Variants in TRIM28 observed in about 807,000 individuals in gnomAD.
The protein encoded by TRIM28 is transcription intermediary factor 1-beta.
A neutral mutation model predicts 87.4 loss-of-function variants in TRIM28; 8 were observed. The observed-to-expected ratio is 0.09, with a 90% confidence interval of 0.05 to 0.17. TRIM28 has a LOEUF of 0.17. Among genes scored for constraint, TRIM28 ranks in the 10% least tolerant of loss-of-function variants. The probability of loss-of-function intolerance (pLI) is 1.00; values close to 1 mark genes in which losing one functional copy is unlikely to be tolerated. For missense variants in TRIM28, 968 were observed against 1,131.8 expected (o/e 0.86, Z 2.08); for synonymous variants, 601 against 454.3 (o/e 1.32, Z -4.11).
chr19:58,549,447 C>T lies in TRIM28; in HGVS notation c.1779C>T (p.Ala593=), dbSNP rs530667133. Residue 593 remains alanine (A), a synonymous_variant, in exon 13 of 17, where the codon GCC becomes GCT. Transcript: ENST00000253024. This position sits in a 1 kb window ranked among gnomAD's most constrained non-coding sequence, Gnocchi z 4.4. ...EGPGAEGPRL[A]SPSGSTSSGL... ...CTGGTGCTGAGGGTCCCCGCCTGGC[C>T]TCACCTAGTGGCAGCACCAGCTCAG... The T allele has an allele frequency of 1.2e-6, 2 of 1,610,418 alleles. No homozygotes were observed.
chr19:58,545,330 G>T lies in TRIM28; in HGVS notation c.341-95G>T. ...GGAGGGGAGGGGCTGGTTCGCTGCG[G>T]GATAATGGTCGGGGGCCCACCCAGC... On this transcript the variant is annotated intron_variant, in intron 1 of 16. Coordinates refer to ENST00000253024, the MANE Select transcript of TRIM28 (RefSeq NM_005762.3). The T allele has an allele frequency of 4.6e-6, 5 of 1,078,174 alleles. No individual in the cohort carries two copies. The South Asian group carries it at 7.3e-5, about 16-fold the overall frequency. The allele number at this position is 1,078,174 out of a possible 1,614,324, so 66.8% of individuals were successfully genotyped here.
In TRIM28 at chr19:58,549,969, G is replaced by A. The variant is rs750993592; in HGVS notation, c.2127G>A (p.Leu709=). The A allele has an allele frequency of 1.5e-5, 24 of 1,613,760 alleles. No individual in the cohort carries two copies. Among genetic ancestry groups the A allele is most frequent in the Non-Finnish European group, 1.9e-5 (22 of 1,179,928 alleles). The part of the protein sequence containing the change: ...ANQRKCERVL[L]ALFCHEPCRP... ...TGTAGAAATGTGAGCGTGTACTGCT[G>A]GCCCTATTCTGTCACGAACCCTGCC... Residue 709 remains leucine (L), a synonymous_variant, in exon 15 of 17, where the codon CTG becomes CTA. Transcript: ENST00000253024. This position sits in a 1 kb window ranked among gnomAD's most constrained non-coding sequence, Gnocchi z 4.4.
rs763644154 is a variant in TRIM28, at chr19:58,547,562, G to C, written c.723-35G>C. ...GTGGGTGGGTGCCACCCCTTCCGTA[G>C]CTTAGTGCTCAGGAACACATCTGTC... On this transcript the variant is annotated intron_variant, in intron 4 of 16. Transcript: ENST00000253024. 5.6e-6 allele frequency: 9 copies of C among 1,613,574 alleles called. No homozygotes were observed. In the African/African-American group the frequency reaches 1.2e-4, roughly 22 times the overall value.
rs1457434636 is a variant in TRIM28, at chr19:58,549,412, G to A, written c.1744G>A (p.Ala582Thr). The change falls in exon 13 of 17, where the codon GCG (alanine) becomes ACG (threonine). Residue 582 changes from alanine (A) to threonine (T), a missense_variant. By Grantham distance (58) the Ala-to-Thr change is moderately conservative (BLOSUM62 0). Around this residue, in one of 11 missense-constraint regions of TRIM28, gnomAD observed 164 missense variants for 146.2 expected, o/e 1.12. Transcript: ENST00000253024. This position sits in a 1 kb window ranked among gnomAD's most constrained non-coding sequence, Gnocchi z 4.4. ...GACCAAACCTGTGCTTATGGCTCTT[G>A]CGGAGGGTCCTGGTGCTGAGGGTCC... Reference protein sequence around the residue: ...PETKPVLMALAEGPGAEGPRL... With the variant: ...PETKPVLMALTEGPGAEGPRL... The A allele has an allele frequency of 6.3e-7, 1 of 1,598,704 alleles. No individual in the cohort carries two copies. The highest frequency in any genetic ancestry group is 1.3e-5 in the African/African-American group (1 of 74,578).
chr19:58,546,939 T>G (rs1195369408), intron 3 of TRIM28, among the ~76,000 whole-genome samples: 1 of 151,982 alleles, frequency 6.6e-6, no homozygotes, highest in African/African-American at 2.4e-5. Flanking sequence ...GGTGTTCTCT[T>G]GTCAGGGAAG....
chr19:58,550,269 C>T lies in TRIM28; in HGVS notation c.2316C>T (p.Phe772=), dbSNP rs753065148. The T allele has an allele frequency of 2.5e-6, 4 of 1,613,978 alleles. No individual in the cohort carries two copies. Among genetic ancestry groups the T allele is most frequent in the Admixed American group, 3.3e-5 (2 of 60,000 alleles). The part of the protein sequence containing the change: ...AQDVGRMFKQ[F]NKLTEDKADV... The stretch of plus-strand genomic sequence containing the variant: ...ATGTGGGCCGCATGTTCAAGCAATT[C>T]AACAAGTTAACTGAGGTGAGCCAGT... The change falls in exon 16 of 17, where the codon TTC becomes TTT. Residue 772 remains phenylalanine, a synonymous_variant. Coordinates refer to ENST00000253024, the MANE Select transcript of TRIM28 (RefSeq NM_005762.3).
In TRIM28 at chr19:58,549,721, AT is replaced by A. The variant is rs1278554997; in HGVS notation, c.1983-12del. 6.2e-6 allele frequency: 10 copies of A among 1,600,556 alleles called. No individual in the cohort carries two copies. In the South Asian group the frequency reaches 1.1e-4, roughly 18 times the overall value. ...TGGACAGGATCATGTGCAGACCCTT[AT>A]TTTCTTCACCCTAGGGAGGAGTGGA... On this transcript the variant is annotated splice_polypyrimidine_tract_variant and intron_variant, in intron 13 of 16. Coordinates refer to ENST00000253024, the MANE Select transcript of TRIM28 (RefSeq NM_005762.3). This position sits in a 1 kb window ranked among gnomAD's most constrained non-coding sequence, Gnocchi z 4.4.
Position 58,550,484 on chromosome 19 carries a change from G to A in TRIM28, c.2439G>A (p.Pro813=), listed in dbSNP as rs949785212. ...TCTCTGCTGTGCTGGTGGAGCCCCC[G>A]CCGATGAGCCTGCCTGGTGCTGGCC... ...TKFSAVLVEP[P]PMSLPGAGLS... is the part of the protein sequence containing the mutation. The change falls in exon 17 of 17, where the codon CCG becomes CCA. Residue 813 remains proline, a synonymous_variant. Transcript: ENST00000253024. 8 of 1,612,752 alleles carry A rather than the reference G, an allele frequency of 5.0e-6. No individual in the cohort carries two copies. The African/African-American group carries it at 5.3e-5, about 11-fold the overall frequency.
rs755656534 is a variant in TRIM28, at chr19:58,549,180, A to C, written c.1602A>C (p.Pro534=). Residue 534 remains proline, a synonymous_variant, in exon 12 of 17, where the codon CCA becomes CCC. Transcript: ENST00000253024. The surrounding 1 kb of genome is among the most constrained non-coding windows in gnomAD (Gnocchi z 4.4). ...RGAAAAATGQ[P]GTAPAGTPGA... is the part of the protein sequence containing the mutation. Reference sequence around the variant, plus strand: ...CTGCCGCTGCAGCTACCGGCCAGCCAGGGACTGCGCCTGCAGGAACCCCTG... The same window carrying C: ...CTGCCGCTGCAGCTACCGGCCAGCCCGGGACTGCGCCTGCAGGAACCCCTG... 6.1e-5 allele frequency: 99 copies of C among 1,613,796 alleles called. No homozygotes were observed. The highest frequency in any genetic ancestry group is 8.1e-5 in the Non-Finnish European group (96 of 1,179,928).
chr19:58,549,900 G>T lies in TRIM28; in HGVS notation c.2106+40G>T, dbSNP rs775674257. ...TACTTAGGTGGGGTTGCCCAGAGAGGCTTTATAGGTGCTGCCCAGAGCTGT... is the reference window on the plus strand; with the variant it reads ...TACTTAGGTGGGGTTGCCCAGAGAGTCTTTATAGGTGCTGCCCAGAGCTGT... On this transcript the variant is annotated intron_variant, in intron 14 of 16. Transcript: ENST00000253024. This position sits in a 1 kb window ranked among gnomAD's most constrained non-coding sequence, Gnocchi z 4.4. 6 of 1,614,002 alleles carry T rather than the reference G, an allele frequency of 3.7e-6. No individual in the cohort carries two copies. The South Asian group carries it at 6.6e-5, about 18-fold the overall frequency.
chr19:58,545,242 C>A, intron 1 of TRIM28, 145 bp downstream of exon 1: 1 of 935,612 alleles, frequency 1.1e-6, no homozygotes, highest in Non-Finnish European at 1.6e-6. Flanking sequence ...TGCATACGAA[C>A]GTGGGTTTGT....
intron 4 of TRIM28, 38 bp downstream of exon 4, chr19:58,547,549 C>T (rs1453705556): frequency 6.2e-7 from 1 of 1,613,556 alleles, no homozygotes; most frequent in Non-Finnish European, 8.5e-7. Context: ...GGGTGGGTGC[C>T]ACCCCTTCCG....
rs769939615 is a variant in TRIM28 at position 58,548,471 on chromosome 19, CTCT to C, written c.1217-10_1217-8del. The C allele has an allele frequency of 5.6e-6, 9 of 1,613,976 alleles. No individual in the cohort carries two copies. Among genetic ancestry groups the C allele is most frequent in the African/African-American group, 4.0e-5 (3 of 74,922 alleles). On this transcript the variant is annotated splice_polypyrimidine_tract_variant and intron_variant, in intron 8 of 16. Transcript: ENST00000253024. Reference sequence around the variant, plus strand: ...ACGTGCTGCACCTACTTACGTTTCTCTCTTCTTTTTGCAGGCAAGATTGTGGCA... The same window carrying C: ...ACGTGCTGCACCTACTTACGTTTCTCTCTTTTTGCAGGCAAGATTGTGGCA...
In TRIM28 at chr19:58,549,570, A is replaced by G. The variant is rs949421753; in HGVS notation, c.1902A>G (p.Pro634=). 8 of 1,614,116 alleles carry G rather than the reference A, an allele frequency of 5.0e-6. No homozygotes were observed. Among genetic ancestry groups the G allele is most frequent in the Admixed American group, 1.7e-5 (1 of 60,020 alleles). ...SATICRVCQK[P]GDLVMCNQCE... The stretch of plus-strand genomic sequence containing the variant: ...CCATTTGCCGTGTCTGCCAGAAGCC[A>G]GGCGATCTGGTTATGTGCAACCAGT... Residue 634 remains proline (P), a synonymous_variant, in exon 13 of 17, where the codon CCA becomes CCG. Coordinates refer to ENST00000253024, the MANE Select transcript of TRIM28 (RefSeq NM_005762.3). This position sits in a 1 kb window ranked among gnomAD's most constrained non-coding sequence, Gnocchi z 4.4.
In TRIM28 at chr19:58,548,727, G is replaced by A; in HGVS notation, c.1324-13G>A. ...CTGTCCCACTGAGGCAGAGGGTTCT[G>A]CTTTGTTCACAGCCCATGGAGGTGC... On this transcript the variant is annotated splice_polypyrimidine_tract_variant and intron_variant, in intron 9 of 16. Transcript: ENST00000253024. 6.2e-7 allele frequency: 1 copy of A among 1,613,588 alleles called. No individual in the cohort carries two copies.
Position 58,548,568 on chromosome 19 carries a change from C to G in TRIM28, c.1299C>G (p.Ser433Arg), listed in dbSNP as rs960873556. The change falls in exon 9 of 17, where the codon AGC becomes AGG. Residue 433 changes from serine (S) to arginine (R), a missense_variant. Ser to Arg is a moderately radical substitution (Grantham distance 110, BLOSUM62 -1). Transcript: ENST00000253024. ...MAPPRAPGPL[S>R]KQGSGSSQPM... ...CTCCAAGAGCCCCAGGGCCCCTGAG[C>G]AAGCAGGGCTCTGGCAGCAGCCAGG... The G allele has an allele frequency of 4.3e-6, 7 of 1,612,794 alleles. No homozygotes were observed. Among genetic ancestry groups the G allele is most frequent in the Non-Finnish European group, 5.9e-6 (7 of 1,179,772 alleles).
chr19:58,544,855 C>G lies in TRIM28; in HGVS notation c.98C>G (p.Ser33Cys), dbSNP rs932583036. Residue 33 changes from serine to cysteine, a missense_variant, in exon 1 of 17, where the codon TCC becomes TGC. Physicochemically the swap from Ser to Cys is moderately radical, Grantham distance 112. Coordinates refer to ENST00000253024, the MANE Select transcript of TRIM28 (RefSeq NM_005762.3). ...GGCTCCGCTGGCGGCGAAAAGCGCT[C>G]CACCGCCCCTTCGGCCGCAGCCTCG... The part of the protein sequence containing the change: ...GEGSAGGEKR[S>C]TAPSAAASAS... 7.7e-7 allele frequency: 1 copy of G among 1,304,358 alleles called. No homozygotes were observed. The highest frequency in any genetic ancestry group is 9.7e-7 in the Non-Finnish European group (1 of 1,028,590). 80.8% of individuals were successfully genotyped at this position (1,304,358 alleles called of 1,614,324 possible). A position where few individuals can be genotyped will look rare whatever the true frequency, so the allele number is the denominator to read the frequency against.
At position 58,544,805 on chromosome 19, in the gene TRIM28, C is replaced by T. The variant is rs2053745001; in HGVS notation, c.48C>T (p.Ala16=). ...CCTCGGCAGCAGCGGCCTCGGCCGC[C>T]TCTGGCAGCCCGGGCCCGGGCGAGG... ...AAASAAAASA[A]SGSPGPGEGS... The change falls in exon 1 of 17, where the codon GCC becomes GCT. Residue 16 remains alanine, a synonymous_variant. Transcript: ENST00000253024. 3.3e-6 allele frequency: 4 copies of T among 1,220,796 alleles called. No individual in the cohort carries two copies. The highest frequency in any genetic ancestry group is 1.6e-5 in the African/African-American group (1 of 62,804). 75.6% of individuals were successfully genotyped at this position (1,220,796 alleles called of 1,614,324 possible). A position where few individuals can be genotyped will look rare whatever the true frequency, so the allele number is the denominator to read the frequency against.
At position 58,547,465 on chromosome 19, in the gene TRIM28, A is replaced by G. The variant is rs757620348; in HGVS notation, c.676A>G (p.Thr226Ala). 1 of 1,613,676 alleles carries G rather than the reference A, an allele frequency of 6.2e-7. No homozygotes were observed. The highest frequency in any genetic ancestry group is 2.2e-5 in the East Asian group (1 of 44,846). The change falls in exon 4 of 17, where the codon ACT (threonine) becomes GCT (alanine). Residue 226 changes from threonine to alanine, a missense_variant. Thr to Ala is a moderately conservative substitution (Grantham distance 58, BLOSUM62 0). This residue lies in a region of TRIM28 where 103 missense variants were observed against 139.0 expected (regional missense o/e 0.74). Coordinates refer to ENST00000253024, the MANE Select transcript of TRIM28 (RefSeq NM_005762.3). Reference protein sequence around the residue: ...PLVLFCESCDTLTCRDCQLNA... With the variant: ...PLVLFCESCDALTCRDCQLNA... ...TGTGCTGTTTTGTGAGAGCTGTGATACTCTCACCTGCCGAGACTGCCAGCT... is the reference window on the plus strand; with the variant it reads ...TGTGCTGTTTTGTGAGAGCTGTGATGCTCTCACCTGCCGAGACTGCCAGCT...
Sources: allele counts gnomAD v4.1 joint callset (sites outside exome capture counted in the v4.1 genomes callset), GRCh38; gene constraint gnomAD v4.1.1; regional missense constraint gnomAD v4.1.1; non-coding constraint Gnocchi (gnomAD v3.1); transcripts MANE v1.5; gene names NCBI Gene and HGNC (gene_info 2026-07-23, HGNC 2026-07-21).